BRWD3: variants seen among roughly 807,000 people sequenced by gnomAD.
BRWD3 encodes bromodomain and WD repeat domain containing 3.
Under a neutral mutation model 149.7 loss-of-function variants are expected in BRWD3, and 10 were observed. The ratio of observed to expected loss-of-function variants is 0.07; its 90% CI spans 0.04 to 0.11. BRWD3 has a LOEUF of 0.11. Among genes scored for constraint, BRWD3 ranks in the 10% least tolerant of loss-of-function variants. BRWD3 has a pLI of 1.00. For synonymous variants in BRWD3, 504 were observed against 456.7 expected (o/e 1.10, Z -1.32); for missense variants, 940 against 1,373.2 (o/e 0.68, Z 4.99).
intron 20 of BRWD3, chrX:80,709,976 C>T: frequency 9.0e-7 from 1 of 1,108,744 alleles, no homozygotes; most frequent in South Asian, 1.8e-5. Flanking sequence ...CAGGATTCAT[C>T]AAACTGAATA....
At chrX:80,736,932 T>C (rs2073413155) in intron 8 of BRWD3, among the ~76,000 whole-genome samples, 1 of 111,903 alleles carries the variant, frequency 8.9e-6, no homozygotes, top group South Asian at 3.7e-4. Flanking sequence ...TGAAGATAAT[T>C]AAACATTTCC....
In BRWD3 at chrX:80,733,164, A is replaced by G. The variant is rs2073357963; in HGVS notation, c.1127+292T>C. On this transcript the variant is annotated intron_variant, in intron 12 of 40. Transcript: ENST00000373275. ...AAAAAAAGAACAATGTTACACTGGC[A>G]GAGATGGACAGGTCAAATAATGGAA... is the stretch of plus-strand genomic sequence containing the variant. 16 of 199,057 alleles carry G rather than the reference A, an allele frequency of 8.0e-5. No individual in the cohort carries two copies. The South Asian group carries it at 3.0e-3, about 37-fold the overall frequency. 16.4% of individuals were successfully genotyped at this position (199,057 alleles called of 1,213,427 possible).
Position 80,745,950 on chromosome X carries a change from T to C in BRWD3, c.431-221A>G, listed in dbSNP as rs183186207. 8.1e-5 allele frequency among the ~76,000 whole-genome samples: 9 copies of C among 110,894 alleles called. No individual in the cohort carries two copies. The East Asian group carries it at 2.3e-3, about 28-fold the overall frequency. ...TCCATTAAATCCCAAGGGACTGATA[T>C]TCTGCTTGGCTTACTGTGGTTTCTC... On this transcript the variant is annotated intron_variant, in intron 6 of 40. Coordinates refer to ENST00000373275, the MANE Select transcript of BRWD3 (RefSeq NM_153252.5).
intron 11 of BRWD3, among the ~76,000 whole-genome samples, chrX:80,733,732 T>A (rs2073366790): frequency 9.0e-6 from 1 of 110,944 alleles, no homozygotes; most frequent in South Asian, 3.8e-4. Flanking sequence ...TAGTTCTGAA[T>A]AGATATTAGT....
chrX:80,737,487 G>A (rs763318710), intron 8 of BRWD3, among the ~76,000 whole-genome samples: 3 of 111,471 alleles, frequency 2.7e-5, no homozygotes, highest in South Asian at 3.7e-4. Flanking sequence ...CAGAATCTAC[G>A]GATACAAAGG....
At chrX:80,791,804 G>C (rs1014399183) in intron 6 of BRWD3, 50 bp downstream of exon 6, 1 of 976,928 alleles carries the variant, frequency 1.0e-6, no homozygotes, top group Non-Finnish European at 1.5e-6. Context: ...AATGAGTTCA[G>C]GAAGGAAAGA....
intron 6 of BRWD3, among the ~76,000 whole-genome samples, chrX:80,761,106 G>T (rs1013929551): frequency 6.3e-5 from 7 of 110,264 alleles, no homozygotes; most frequent in Non-Finnish European, 1.3e-4. Context: ...ATAAACCAAA[G>T]AAAAAAAAGA....
intron 4 of BRWD3, 96 bp from the exon 5 acceptor site, chrX:80,793,868 C>T (rs1400597267): frequency 4.4e-6 from 4 of 906,752 alleles, no homozygotes; most frequent in Non-Finnish European, 6.3e-6. Context: ...CATTATAGAG[C>T]AAAGTACAGT....
At chrX:80,712,561 C>T (rs1369709703) in intron 20 of BRWD3, among the ~76,000 whole-genome samples, 11 of 110,911 alleles carry the variant, frequency 9.9e-5, no homozygotes, top group East Asian at 2.9e-4. Context: ...AGCCTCTGCC[C>T]GGCCGCCACC....
At chrX:80,803,616 C>T (rs1301033862) in intron 4 of BRWD3, among the ~76,000 whole-genome samples, 1 of 111,996 alleles carries the variant, frequency 8.9e-6, no homozygotes, top group African/African-American at 3.2e-5. Flanking sequence ...TGACCTCTCT[C>T]TGTCATAATA....
Position 80,696,842 on chromosome X carries a change from C to T in BRWD3, c.2965G>A (p.Val989Ile). The T allele has an allele frequency of 8.3e-7, 1 of 1,202,935 alleles. No individual in the cohort carries two copies. The highest frequency in any genetic ancestry group is 1.8e-5 in the South Asian group (1 of 56,679). Residue 989 changes from valine to isoleucine, a missense_variant, in exon 26 of 41, where the codon GTA becomes ATA. Coordinates refer to ENST00000373275, the MANE Select transcript of BRWD3 (RefSeq NM_153252.5). ...GGGCCAACCTCATATTTGATTCCTACAATCTTAACAAACTCTTGCTCCTAT... is the reference window on the plus strand; with the variant it reads ...GGGCCAACCTCATATTTGATTCCTATAATCTTAACAAACTCTTGCTCCTAT... ...DLREQEFVKI[V>I]GIKYEVGPPT...
At chrX:80,807,073 T>C (rs2074355274) in intron 4 of BRWD3, among the ~76,000 whole-genome samples, 1 of 112,421 alleles carries the variant, frequency 8.9e-6, no homozygotes, top group African/African-American at 3.2e-5. Flanking sequence ...TAAAACTATA[T>C]ATAAAAACCT....
At chrX:80,738,630 T>C (rs1352254347) in intron 8 of BRWD3, among the ~76,000 whole-genome samples, 10 of 69,355 alleles carry the variant, frequency 1.4e-4, no homozygotes, top group Non-Finnish European at 2.8e-4. Context: ...GTGGAGGGGG[T>C]GGGGGGGGCA....
chrX:80,778,547 G>A (rs769602438), intron 6 of BRWD3, among the ~76,000 whole-genome samples: 1 of 112,274 alleles, frequency 8.9e-6, no homozygotes, highest in East Asian at 2.8e-4. Context: ...TCATAGATCA[G>A]GCTTCTTGTA....
chrX:80,712,149 T>C (rs895496195), intron 20 of BRWD3, among the ~76,000 whole-genome samples: 9 of 111,251 alleles, frequency 8.1e-5, no homozygotes, highest in Middle Eastern at 9.4e-3. Context: ...AAAATAAAAA[T>C]GAAATGCTCT....
intron 20 of BRWD3, chrX:80,710,088 C>T: frequency 1.2e-6 from 1 of 812,506 alleles, no homozygotes; most frequent in Non-Finnish European, 1.9e-6. Context: ...GAGCTTGCAG[C>T]TCATCAGAAA....
In BRWD3 at chrX:80,780,403, A is replaced by G. The variant is rs1270925931; in HGVS notation, c.430+11451T>C. On this transcript the variant is annotated intron_variant, in intron 6 of 40. Transcript: ENST00000373275. ...TAATAAAATCTGTTTCATTTTTTAA[A>G]AAGATACTAAATTATTAATCCTAAT... 4.5e-5 allele frequency among the ~76,000 whole-genome samples: 5 copies of G among 111,600 alleles called. No individual in the cohort carries two copies. The Admixed American group carries it at 4.8e-4, about 11-fold the overall frequency.
At chrX:80,725,995 T>C (rs766462804) in intron 14 of BRWD3, among the ~76,000 whole-genome samples, 2 of 94,757 alleles carry the variant, frequency 2.1e-5, no homozygotes, top group African/African-American at 4.1e-5. Context: ...CTATATAACA[T>C]AACATGTTTA....
chrX:80,778,162 C>T (rs1029502368), intron 6 of BRWD3, among the ~76,000 whole-genome samples: 3 of 111,222 alleles, frequency 2.7e-5, no homozygotes, highest in Non-Finnish European at 5.7e-5. Context: ...TGCCTTGTTA[C>T]CAAGTCTTTG....
Sources: allele counts gnomAD v4.1 joint callset (sites outside exome capture counted in the v4.1 genomes callset), GRCh38; gene constraint gnomAD v4.1.1; transcripts MANE v1.5; gene names NCBI Gene and HGNC (gene_info 2026-07-23, HGNC 2026-07-21).